The following SNTB1 variants were observed in gnomAD, a reference collection of about 807,000 sequenced individuals.
SNTB1 encodes the protein beta-1-syntrophin.
A neutral mutation model predicts 48.9 loss-of-function variants in SNTB1; 36 were observed. The ratio of observed to expected loss-of-function variants is 0.74; its 90% CI spans 0.56 to 0.97. The LOEUF is 0.97. Ranked by LOEUF, SNTB1 falls within the 50% of genes least tolerant of loss-of-function variation. The probability of loss-of-function intolerance (pLI) is 0.00; values close to 1 mark genes in which losing one functional copy is unlikely to be tolerated. For synonymous variants in SNTB1, 299 were observed against 294.6 expected, an observed-to-expected ratio of 1.01 and a Z score of -0.15; for missense variants, 786 against 703.4, an observed-to-expected ratio of 1.12 and a Z score of -1.33.
chr8:120,575,704 C>T (rs1815939769), intron 3 of SNTB1, among the ~76,000 whole-genome samples: 1 of 152,200 alleles, frequency 6.6e-6, no homozygotes, highest in Admixed American at 6.5e-5. Flanking sequence ...TTTCCCTAGT[C>T]TTTTGCTCTT....
At chr8:120,774,988 C>T (rs566366469) in intron 1 of SNTB1, among the ~76,000 whole-genome samples, 96 of 152,186 alleles carry the variant, frequency 6.3e-4, no homozygotes, top group African/African-American at 2.2e-3. Context: ...ATGTTAAGTT[C>T]GGGCTTGTTT....
At chr8:120,560,109 C>G (rs1462527584) in intron 4 of SNTB1, among the ~76,000 whole-genome samples, 1 of 152,106 alleles carries the variant, frequency 6.6e-6, no homozygotes, top group Non-Finnish European at 1.5e-5. Context: ...AGGGGTTTCC[C>G]AGGAACACTC....
At chr8:120,633,106 T>C (rs1260129873) in intron 2 of SNTB1, among the ~76,000 whole-genome samples, 1 of 152,212 alleles carries the variant, frequency 6.6e-6, no homozygotes, top group Non-Finnish European at 1.5e-5. Flanking sequence ...TCAGTGTTAA[T>C]CAATTAAGCC....
At chr8:120,650,573 G>T (rs760293057) in intron 2 of SNTB1, among the ~76,000 whole-genome samples, 2 of 152,060 alleles carry the variant, frequency 1.3e-5, no homozygotes, top group Non-Finnish European at 2.9e-5. Flanking sequence ...ATAGGTACTT[G>T]GTGTCCCTGA....
intron 3 of SNTB1, among the ~76,000 whole-genome samples, chr8:120,618,733 G>C (rs1023793748): frequency 6.6e-5 from 10 of 152,168 alleles, no homozygotes; most frequent in African/African-American, 2.2e-4. Context: ...CTGGCTGTTG[G>C]ACGCTGGATG....
At chr8:120,682,985 C>T (rs1587086249) in intron 2 of SNTB1, among the ~76,000 whole-genome samples, 1 of 151,126 alleles carries the variant, frequency 6.6e-6, no homozygotes, top group Non-Finnish European at 1.5e-5. Context: ...GGGTTCACGC[C>T]ATTCTCCTGC....
chr8:120,652,469 G>A (rs1019645961), intron 2 of SNTB1, among the ~76,000 whole-genome samples: 2 of 151,794 alleles, frequency 1.3e-5, no homozygotes, highest in Non-Finnish European at 2.9e-5. Flanking sequence ...ATGGAATCAC[G>A]GATCTGTGAT....
chr8:120,733,161 G>A (rs548542119), intron 1 of SNTB1, among the ~76,000 whole-genome samples: 1 of 152,304 alleles, frequency 6.6e-6, no homozygotes, highest in South Asian at 2.1e-4. Flanking sequence ...TAACAAACAC[G>A]AAATGGTAAA....
intron 4 of SNTB1, among the ~76,000 whole-genome samples, chr8:120,574,177 A>ATG (rs1423733667): frequency 6.6e-5 from 10 of 152,216 alleles, no homozygotes; most frequent in Non-Finnish European, 1.0e-4. Flanking sequence ...AAGCTCTTAA[A>ATG]GCAGAGAGTA....
intron 4 of SNTB1, among the ~76,000 whole-genome samples, chr8:120,554,192 C>T (rs1395632843): frequency 6.6e-6 from 1 of 152,104 alleles, no homozygotes; most frequent in Non-Finnish European, 1.5e-5. Flanking sequence ...CCTCCTGCAT[C>T]CCAAAGATGT....
At chr8:120,664,738 C>T (rs928566893) in intron 2 of SNTB1, among the ~76,000 whole-genome samples, 10 of 152,140 alleles carry the variant, frequency 6.6e-5, no homozygotes, top group Admixed American at 6.5e-4. Flanking sequence ...CTGCTATGAA[C>T]ATTTATGGTT....
At chr8:120,661,393 A>G (rs1369759122) in intron 2 of SNTB1, among the ~76,000 whole-genome samples, 1 of 152,206 alleles carries the variant, frequency 6.6e-6, no homozygotes, top group Non-Finnish European at 1.5e-5. Context: ...TGAAAAGCCT[A>G]ACTTCCAGAG....
chr8:120,601,204 G>A (rs958723511), intron 3 of SNTB1, among the ~76,000 whole-genome samples: 2 of 151,902 alleles, frequency 1.3e-5, no homozygotes, highest in Non-Finnish European at 2.9e-5. Context: ...TATTCCTGGA[G>A]TCATCATCAG....
At chr8:120,662,179 C>A (rs767546736) in intron 2 of SNTB1, among the ~76,000 whole-genome samples, 1 of 152,064 alleles carries the variant, frequency 6.6e-6, no homozygotes, top group Non-Finnish European at 1.5e-5. Flanking sequence ...AAATCAGCTA[C>A]CCACAAAATT....
At chr8:120,791,319 A>G (rs1820031194) in intron 1 of SNTB1, among the ~76,000 whole-genome samples, 1 of 152,082 alleles carries the variant, frequency 6.6e-6, no homozygotes, top group Admixed American at 6.6e-5. Context: ...AAAGACTTCA[A>G]TCTAAGGCCT....
chr8:120,784,008 T>G (rs566529455), intron 1 of SNTB1, among the ~76,000 whole-genome samples: 63 of 152,262 alleles, frequency 4.1e-4, no homozygotes, highest in African/African-American at 1.1e-3. Context: ...GTTTTGTTTT[T>G]TTTGAGACAG....
At chr8:120,736,503 A>G (rs537689456) in intron 1 of SNTB1, among the ~76,000 whole-genome samples, 50 of 152,358 alleles carry the variant, frequency 3.3e-4, no homozygotes, top group African/African-American at 7.9e-4. Context: ...GCCGAATTCT[A>G]TCAAGAGCTG....
intron 1 of SNTB1, among the ~76,000 whole-genome samples, chr8:120,734,201 T>C (rs1446516494): frequency 2.0e-5 from 3 of 152,136 alleles, no homozygotes; most frequent in African/African-American, 7.2e-5. Context: ...CCCAGCACTT[T>C]GGGAGGCCGA....
chr8:120,775,933 G>A (rs1035788971), intron 1 of SNTB1, among the ~76,000 whole-genome samples: 25 of 152,092 alleles, frequency 1.6e-4, no homozygotes, highest in African/African-American at 5.3e-4. Flanking sequence ...TGTGCACAAC[G>A]TGCAGGTTTG....
Sources: gnomAD v4.1 joint callset for allele counts (sites outside exome capture counted in the v4.1 genomes callset) on GRCh38, gnomAD v4.1.1 for gene constraint, MANE v1.5 for transcripts, NCBI Gene and HGNC (gene_info 2026-07-23, HGNC 2026-07-21) for gene names.